The following RSPH9 variants were observed in gnomAD, a reference collection of about 807,000 sequenced individuals.
RSPH9 encodes radial spoke head protein 9 homolog.
RSPH9 carries 27 observed loss-of-function variants against 27.0 expected under a neutral mutation model. The ratio of observed to expected loss-of-function variants is 1.00; its 90% CI spans 0.74 to 1.38. The LOEUF (loss-of-function observed/expected upper bound fraction) is 1.38. Ranked by LOEUF, RSPH9 falls within the 40% of genes most tolerant of loss-of-function variation. The probability of loss-of-function intolerance (pLI) is 0.00; values close to 1 mark genes in which losing one functional copy is unlikely to be tolerated. For missense variants in RSPH9, 347 were observed against 357.4 expected, an observed-to-expected ratio of 0.97 and a Z score of 0.24; for synonymous variants, 145 against 147.7, an observed-to-expected ratio of 0.98 and a Z score of 0.13.
At chr6:43,661,940 T>G (rs1472372275) in intron 4 of RSPH9, among the ~76,000 whole-genome samples, 1 of 152,066 alleles carries the variant, frequency 6.6e-6, no homozygotes, top group Non-Finnish European at 1.5e-5. Flanking sequence ...CAGGCCAGAG[T>G]GCAACAGCGT....
rs368692729 is a variant in RSPH9 at position 43,650,435 on chromosome 6, G to A, written c.288G>A (p.Ser96=). ...PPATEEMVAQ[S]SVVKGRFMGD... ...CCACAGAGGAGATGGTGGCGCAGTC[G>A]TCTGTGGTGAAGGGCCGCTTCATGG... Residue 96 remains serine, a synonymous_variant, in exon 2 of 5, where the codon TCG becomes TCA. Transcript: ENST00000372163. 5.6e-5 allele frequency: 91 copies of A among 1,613,982 alleles called. No homozygotes were observed. The highest frequency in any genetic ancestry group is 5.0e-4 in the Middle Eastern group (3 of 6,032).
chr6:43,645,310 G>A lies in RSPH9; in HGVS notation c.212G>A (p.Arg71His). 5.0e-6 allele frequency: 7 copies of A among 1,402,790 alleles called. No individual in the cohort carries two copies. Among genetic ancestry groups the A allele is most frequent in the Non-Finnish European group, 6.7e-6 (7 of 1,046,566 alleles). 86.9% of individuals were successfully genotyped at this position (1,402,790 alleles called of 1,614,324 possible). Residue 71 changes from arginine to histidine, a missense_variant, in exon 1 of 5, where the codon CGC becomes CAC. Arg to His is a conservative substitution (Grantham distance 29). Transcript: ENST00000372163. ...QGLSEDQLAP[R>H]KTLYSLNCTE... The stretch of plus-strand genomic sequence containing the variant: ...CTGAGTGAGGACCAGCTCGCACCGC[G>A]CAAGACGCTCTATAGGTGAGGAGGC...
At chr6:43,662,097 C>A (rs1317648222) in intron 4 of RSPH9, among the ~76,000 whole-genome samples, 1 of 151,738 alleles carries the variant, frequency 6.6e-6, no homozygotes, top group Non-Finnish European at 1.5e-5. Context: ...CCAGGCTGGC[C>A]CCAACCCCTG....
chr6:43,659,413 C>T (rs1208693620), intron 4 of RSPH9, among the ~76,000 whole-genome samples: 2 of 149,928 alleles, frequency 1.3e-5, no homozygotes, highest in Admixed American at 6.6e-5. Context: ...GACGGAGTCT[C>T]GCTCTGTCGC....
intron 4 of RSPH9, among the ~76,000 whole-genome samples, chr6:43,658,579 C>T (rs757153001): frequency 3.3e-5 from 5 of 151,986 alleles, no homozygotes; most frequent in Admixed American, 2.0e-4. Flanking sequence ...TTTGCTCTGT[C>T]GCCTGGGCTG....
chr6:43,645,243 C>A lies in RSPH9; in HGVS notation c.145C>A (p.Arg49Ser), dbSNP rs1461747381. The part of the protein sequence containing the change: ...YRYDRVLFWG[R>S]ILGLVADYYI... ...CTATGATCGGGTTCTCTTCTGGGGCCGCATCCTTGGCCTCGTCGCCGATTA... is the reference window on the plus strand; with the variant it reads ...CTATGATCGGGTTCTCTTCTGGGGCAGCATCCTTGGCCTCGTCGCCGATTA... Residue 49 changes from arginine (R) to serine (S), a missense_variant, in exon 1 of 5, where the codon CGC becomes AGC. Transcript: ENST00000372163. 6.2e-7 allele frequency: 1 copy of A among 1,613,976 alleles called. No homozygotes were observed. The highest frequency in any genetic ancestry group is 1.3e-5 in the African/African-American group (1 of 74,948).
chr6:43,646,954 CAAAAAAAAAAAAA>C (rs1420733826), intron 1 of RSPH9, among the ~76,000 whole-genome samples: 1 of 70,068 alleles, frequency 1.4e-5, no homozygotes, highest in Non-Finnish European at 2.8e-5. Flanking sequence ...GACTCCGTCT[CAAAAAAAAAAAAA>C]GAAAAAAAAA....
At position 43,671,604 on chromosome 6, in the gene RSPH9, A is replaced by G; in HGVS notation, c.*655A>G. 3 of 808,880 alleles carry G rather than the reference A, an allele frequency of 3.7e-6. No individual in the cohort carries two copies. Among genetic ancestry groups the G allele is most frequent in the Non-Finnish European group, 5.9e-6 (3 of 506,560 alleles). 50.1% of individuals were successfully genotyped at this position (808,880 alleles called of 1,614,324 possible). ...CATTGCTACTGTGCAGGCCAAGGGT[A>G]CTGAAGTTAGTCCCACTGTCCCCTG... On this transcript the variant is annotated 3_prime_UTR_variant, in exon 5 of 5. Coordinates refer to ENST00000372163, the MANE Select transcript of RSPH9 (RefSeq NM_152732.5).
chr6:43,651,037 C>T (rs1771416567), intron 2 of RSPH9, among the ~76,000 whole-genome samples: 1 of 151,628 alleles, frequency 6.6e-6, no homozygotes, highest in African/African-American at 2.4e-5. Flanking sequence ...TCAAATAATC[C>T]TTCCGCCTCA....
intron 4 of RSPH9, among the ~76,000 whole-genome samples, chr6:43,664,343 G>A (rs1772926057): frequency 6.6e-6 from 1 of 152,128 alleles, no homozygotes; most frequent in South Asian, 2.1e-4. Flanking sequence ...TGATTCTACT[G>A]TCTCAGCCTC....
intron 4 of RSPH9, among the ~76,000 whole-genome samples, chr6:43,669,361 C>T (rs530422287): frequency 7.9e-5 from 12 of 152,336 alleles, no homozygotes; most frequent in African/African-American, 2.4e-4. Context: ...CCTGGGCAGG[C>T]GGCTGCACCC....
At chr6:43,661,635 T>G (rs1424615379) in intron 4 of RSPH9, among the ~76,000 whole-genome samples, 1 of 115,854 alleles carries the variant, frequency 8.6e-6, no homozygotes, top group Non-Finnish European at 1.6e-5. Context: ...TACTCCAGCC[T>G]GGGTGACAGA....
chr6:43,669,692 T>C (rs1773519718), intron 4 of RSPH9, among the ~76,000 whole-genome samples: 1 of 152,332 alleles, frequency 6.6e-6, no homozygotes. Flanking sequence ...GAGGCCTCAG[T>C]GCGCAGGGGA....
chr6:43,650,934 G>T (rs1438653360), intron 2 of RSPH9, among the ~76,000 whole-genome samples: 1 of 148,076 alleles, frequency 6.8e-6, no homozygotes, highest in South Asian at 2.1e-4. Context: ...AGAAAAAAAA[G>T]AAATTATGGC....
Position 43,670,952 on chromosome 6 carries a change from T to C in RSPH9, c.*3T>C, listed in dbSNP as rs1157244763. On this transcript the variant is annotated 3_prime_UTR_variant, in exon 5 of 5. Transcript: ENST00000372163. ...TGGACTTGCCCTTCATGCTATAGAA[T>C]GGGAGCCAGCCTGGATGTTTTTAAA... 1 of 1,614,160 alleles carries C rather than the reference T, an allele frequency of 6.2e-7. No homozygotes were observed.
At position 43,672,318 on chromosome 6, in the gene RSPH9, G is replaced by C. The variant is rs770367012; in HGVS notation, c.*1369G>C. 1 of 462,428 alleles carries C rather than the reference G, an allele frequency of 2.2e-6. No homozygotes were observed. The highest frequency in any genetic ancestry group is 2.4e-5 in the Admixed American group (1 of 41,876). 28.6% of individuals were successfully genotyped at this position (462,428 alleles called of 1,614,324 possible). ...TGCTCTTCCCCATTTGGCTCACTCA[G>C]CTACCCCAACCTTCAGGGAACTCCC... is the stretch of plus-strand genomic sequence containing the variant. On this transcript the variant is annotated 3_prime_UTR_variant, in exon 5 of 5. Coordinates refer to ENST00000372163, the MANE Select transcript of RSPH9 (RefSeq NM_152732.5).
At position 43,655,543 on chromosome 6, in the gene RSPH9, T is replaced by C; in HGVS notation, c.394-19T>C. ...GGGCACAGTGCCCTGGCAGGGGGGC[T>C]CCTCTCCTGTCTCCTCAGGTCCAGA... On this transcript the variant is annotated intron_variant, in intron 2 of 4. Coordinates refer to ENST00000372163, the MANE Select transcript of RSPH9 (RefSeq NM_152732.5). 1 of 1,614,034 alleles carries C rather than the reference T, an allele frequency of 6.2e-7. No individual in the cohort carries two copies. Among genetic ancestry groups the C allele is most frequent in the Non-Finnish European group, 8.5e-7 (1 of 1,180,006 alleles).
Position 43,645,274 on chromosome 6 carries a change from T to C in RSPH9, c.176T>C (p.Ile59Thr). Residue 59 changes from isoleucine (I) to threonine (T), a missense_variant, in exon 1 of 5, where the codon ATC (isoleucine) becomes ACC (threonine). Physicochemically the swap from Ile to Thr is moderately conservative, Grantham distance 89. Coordinates refer to ENST00000372163, the MANE Select transcript of RSPH9 (RefSeq NM_152732.5). Reference sequence around the variant, plus strand: ...CTTGGCCTCGTCGCCGATTACTACATCGCGCAGGGCCTGAGTGAGGACCAG... The same window carrying C: ...CTTGGCCTCGTCGCCGATTACTACACCGCGCAGGGCCTGAGTGAGGACCAG... ...RILGLVADYY[I>T]AQGLSEDQLA... The C allele has an allele frequency of 6.2e-7, 1 of 1,613,040 alleles. No homozygotes were observed. The highest frequency in any genetic ancestry group is 2.2e-5 in the East Asian group (1 of 44,816).
In RSPH9 at chr6:43,672,072, C is replaced by T. The variant is rs778247590; in HGVS notation, c.*1123C>T. ...GATTTTCCTGGGAGTAACTGCTGAG[C>T]GTCCTGTAAACAGATGGGCTGGGCT... On this transcript the variant is annotated 3_prime_UTR_variant, in exon 5 of 5. Transcript: ENST00000372163. 5.1e-5 allele frequency: 42 copies of T among 829,506 alleles called. No individual in the cohort carries two copies. Among genetic ancestry groups the T allele is most frequent in the East Asian group, 3.2e-4 (12 of 37,072 alleles). 51.4% of individuals were successfully genotyped at this position (829,506 alleles called of 1,614,324 possible). A position where few individuals can be genotyped will look rare whatever the true frequency, so the allele number is the denominator to read the frequency against.
Sources: gnomAD v4.1 joint callset for allele counts (sites outside exome capture counted in the v4.1 genomes callset) on GRCh38, gnomAD v4.1.1 for gene constraint, MANE v1.5 for transcripts, NCBI Gene and HGNC (gene_info 2026-07-23, HGNC 2026-07-21) for gene names.